The following SEPTIN2 variants were observed in gnomAD, a reference collection of about 807,000 sequenced individuals.
The protein encoded by SEPTIN2 is septin 2.
SEPTIN2 carries 34 observed loss-of-function variants against 46.5 expected under a neutral mutation model. The observed-to-expected ratio is 0.73, with a 90% CI of 0.56 to 0.97. The LOEUF is 0.97. Among genes scored for constraint, SEPTIN2 ranks in the 50% least tolerant of loss-of-function variants. SEPTIN2 has a pLI of 0.00. For missense variants in SEPTIN2, 347 were observed against 448.4 expected (o/e 0.77, Z 2.04); for synonymous variants, 175 against 153.4 (o/e 1.14, Z -1.04).
intron 8 of SEPTIN2, 62 bp from the exon 9 acceptor site, chr2:241,343,690 G>A: frequency 6.3e-7 from 1 of 1,591,134 alleles, no homozygotes; most frequent in East Asian, 2.2e-5. Context: ...ATGTTCTCGT[G>A]TTGCCAGTGA....
At chr2:241,330,144 G>T (rs1276127265) in intron 3 of SEPTIN2, among the ~76,000 whole-genome samples, 1 of 152,056 alleles carries the variant, frequency 6.6e-6, no homozygotes, top group Non-Finnish European at 1.5e-5. Context: ...ATCTTACCGA[G>T]TCCAGCAATA....
At chr2:241,337,871 T>A (rs763796423) in intron 7 of SEPTIN2, 81 bp downstream of exon 7, 155 of 941,772 alleles carry the variant, frequency 1.6e-4, no homozygotes, top group Non-Finnish European at 2.5e-4. Flanking sequence ...GTTCCCACGC[T>A]CAGTCTGCTC....
rs2060943104 is a variant in SEPTIN2, at chr2:241,353,766, TGTGA to T, written c.*1834_*1837del. On this transcript the variant is annotated 3_prime_UTR_variant, in exon 13 of 13. Coordinates refer to ENST00000391971, the MANE Select transcript of SEPTIN2 (RefSeq NM_004404.5). ...TTTGCTAGTGACTAAGCCCCGCATATGTGAGTGAAAGTACTTCAGGCACGCTGCC... is the reference window on the plus strand; with the variant it reads ...TTTGCTAGTGACTAAGCCCCGCATATGTGAAAGTACTTCAGGCACGCTGCC... The T allele has an allele frequency of 6.5e-6, 1 of 153,380 alleles. No homozygotes were observed. The highest frequency in any genetic ancestry group is 1.5e-5 in the Non-Finnish European group (1 of 68,042). The allele number at this position is 153,380 out of a possible 1,614,324, so 9.5% of individuals were successfully genotyped here. A position where few individuals can be genotyped will look rare whatever the true frequency, so the allele number is the denominator to read the frequency against.
At chr2:241,343,385 G>A (rs1389954146) in intron 8 of SEPTIN2, among the ~76,000 whole-genome samples, 1 of 151,974 alleles carries the variant, frequency 6.6e-6, no homozygotes, top group African/African-American at 2.4e-5. Flanking sequence ...TGTAGTCCCA[G>A]CCACTCGGGA....
rs1043814568 is a variant in SEPTIN2, at chr2:241,352,914, G to C, written c.*977G>C. ...CTTTAGTGTATTTTCTGTCACTGTAGGTATAGAAGATCTGCCTCCCCTGTG... is the reference window on the plus strand; with the variant it reads ...CTTTAGTGTATTTTCTGTCACTGTACGTATAGAAGATCTGCCTCCCCTGTG... On this transcript the variant is annotated 3_prime_UTR_variant, in exon 13 of 13. Transcript: ENST00000391971. 1.3e-5 allele frequency: 2 copies of C among 152,176 alleles called. No homozygotes were observed. Among genetic ancestry groups the C allele is most frequent in the African/African-American group, 4.8e-5 (2 of 41,434 alleles). 9.4% of individuals were successfully genotyped at this position (152,176 alleles called of 1,614,324 possible).
intron 7 of SEPTIN2, among the ~76,000 whole-genome samples, chr2:241,339,562 T>C (rs1398583961): frequency 6.6e-6 from 1 of 152,174 alleles, no homozygotes; most frequent in African/African-American, 2.4e-5. Context: ...ATCCTAATTC[T>C]TCCTGGATGC....
At chr2:241,337,900 C>A in intron 7 of SEPTIN2, 110 bp downstream of exon 7, 2 of 636,474 alleles carry the variant, frequency 3.1e-6, no homozygotes, top group Non-Finnish European at 2.6e-6. Flanking sequence ...GGAGGCAGGG[C>A]GGGAGAATTT....
At chr2:241,332,063 A>C (rs1651436535) in intron 3 of SEPTIN2, among the ~76,000 whole-genome samples, 1 of 152,252 alleles carries the variant, frequency 6.6e-6, no homozygotes. Context: ...GTATATCACA[A>C]CCTGAAATTA....
chr2:241,338,771 T>TATATTATATTATTTATATATAATAC (rs2080603276), intron 7 of SEPTIN2, among the ~76,000 whole-genome samples: 4 of 43,944 alleles, frequency 9.1e-5, no homozygotes, highest in Non-Finnish European at 1.4e-4. Flanking sequence ...ATTGTTTATA[T>TATATTATATTATTTATATATAATAC]ATATTATATT....
At chr2:241,338,942 A>C (rs1381907631) in intron 7 of SEPTIN2, among the ~76,000 whole-genome samples, 3 of 97,930 alleles carry the variant, frequency 3.1e-5, no homozygotes, top group African/African-American at 8.2e-5. Context: ...TTTATTATAT[A>C]TATTATATAT....
At chr2:241,326,788 G>A (rs930121299) in intron 3 of SEPTIN2, among the ~76,000 whole-genome samples, 4 of 152,254 alleles carry the variant, frequency 2.6e-5, no homozygotes, top group African/African-American at 9.6e-5. Context: ...TAAGTGACCC[G>A]TTTCAGAAAT....
At chr2:241,334,528 T>G (rs1302526891) in intron 3 of SEPTIN2, among the ~76,000 whole-genome samples, 5 of 152,122 alleles carry the variant, frequency 3.3e-5, no homozygotes, top group Non-Finnish European at 7.4e-5. Context: ...AGCGGGAAAG[T>G]TGCCCGACAT....
At chr2:241,343,727 G>C (rs750807343) in intron 8 of SEPTIN2, 25 bp from the exon 9 acceptor site, 4 of 1,613,816 alleles carry the variant, frequency 2.5e-6, no homozygotes, top group South Asian at 1.1e-5. Flanking sequence ...TGTGGAGCCT[G>C]TCTACTCTGT....
intron 9 of SEPTIN2, 37 bp from the exon 10 acceptor site, chr2:241,346,129 C>T (rs1254718158): frequency 1.3e-6 from 2 of 1,496,128 alleles, no homozygotes; most frequent in Admixed American, 1.7e-5. Flanking sequence ...ATGTCATGTG[C>T]ATGATGCCAC....
At chr2:241,326,834 AT>A (rs759227120) in intron 3 of SEPTIN2, among the ~76,000 whole-genome samples, 26 of 152,276 alleles carry the variant, frequency 1.7e-4, no homozygotes, top group Non-Finnish European at 3.1e-4. Context: ...CACACCTGTA[AT>A]CTTAGCACTT....
rs79517978 is a variant in SEPTIN2 at position 241,350,410 on chromosome 2, G to C, written c.*29+207G>C. Among the ~76,000 whole-genome samples, 1,609 of 151,710 alleles carry C rather than the reference G, an allele frequency of 0.011. 104 individuals carry two copies. In the East Asian group the frequency reaches 0.19, roughly 18 times the overall value. ...TCTAGTAAAGATTTTTCATATTTTT[G>C]TCTCTTCTTTTTTTTTTAAATAATT... On this transcript the variant is annotated intron_variant, in intron 12 of 12. Coordinates refer to ENST00000391971, the MANE Select transcript of SEPTIN2 (RefSeq NM_004404.5).
At chr2:241,332,561 C>T (rs1040217915) in intron 3 of SEPTIN2, among the ~76,000 whole-genome samples, 3 of 152,210 alleles carry the variant, frequency 2.0e-5, no homozygotes, top group African/African-American at 7.2e-5. Flanking sequence ...GTAAAAATGC[C>T]ACAACCAGTA....
chr2:241,341,677 A>G (rs2081276743), intron 7 of SEPTIN2, among the ~76,000 whole-genome samples: 1 of 152,232 alleles, frequency 6.6e-6, no homozygotes, highest in African/African-American at 2.4e-5. Flanking sequence ...GAATTAGTGC[A>G]GACATTGTAC....
At position 241,337,721 on chromosome 2, in the gene SEPTIN2, G is replaced by T. The variant is rs752616882; in HGVS notation, c.525G>T (p.Val175=). Residue 175 remains valine, a synonymous_variant, in exon 7 of 13, where the codon GTG becomes GTT. Transcript: ENST00000391971. ...VAFMKAIHNK[V]NIVPVIAKAD... ...TTATGAAGGCAATACACAACAAGGT[G>T]AATATTGTGCCTGTCATTGCAAAAG... The T allele has an allele frequency of 6.2e-7, 1 of 1,614,096 alleles. No individual in the cohort carries two copies. The highest frequency in any genetic ancestry group is 2.2e-5 in the East Asian group (1 of 44,890).
Sources: gnomAD v4.1 joint callset for allele counts (sites outside exome capture counted in the v4.1 genomes callset) on GRCh38, gnomAD v4.1.1 for gene constraint, MANE v1.5 for transcripts, NCBI Gene and HGNC (gene_info 2026-07-23, HGNC 2026-07-21) for gene names.